Variants in AOPEP observed in about 807,000 individuals in gnomAD.
AOPEP encodes the protein aminopeptidase O (putative).
A neutral mutation model predicts 98.1 loss-of-function variants in AOPEP; 77 were observed. The ratio of observed to expected loss-of-function variants is 0.78; its 90% CI spans 0.65 to 0.95. The LOEUF (loss-of-function observed/expected upper bound fraction) is 0.95, where lower values mean the gene tolerates loss of function less well. AOPEP is among the 40% of genes least tolerant of loss of function. The probability of loss-of-function intolerance (pLI) is 0.00; values close to 1 mark genes in which losing one functional copy is unlikely to be tolerated. For synonymous variants in AOPEP, 346 were observed against 365.3 expected (o/e 0.95, Z 0.60); for missense variants, 1,024 against 1,024.7 (o/e 1.00, Z 0.01).
chr9:95,062,486 G>A (rs2133943660), intron 14 of AOPEP, among the ~76,000 whole-genome samples: 1 of 152,342 alleles, frequency 6.6e-6, no homozygotes, highest in South Asian at 2.1e-4. Flanking sequence ...TGTTCGGGAT[G>A]TAGCGGCTGC....
chr9:94,742,515 A>G (rs922719981), intron 1 of AOPEP, among the ~76,000 whole-genome samples: 1 of 151,874 alleles, frequency 6.6e-6, no homozygotes, highest in Non-Finnish European at 1.5e-5. Flanking sequence ...GCTCACTGCA[A>G]CCTCTACCTC....
Position 94,928,443 on chromosome 9 carries a change from C to T in AOPEP, c.1573C>T (p.Arg525Trp), listed in dbSNP as rs923686212. 1.0e-5 allele frequency: 16 copies of T among 1,548,746 alleles called. No individual in the cohort carries two copies. The highest frequency in any genetic ancestry group is 1.7e-4 in the Middle Eastern group (1 of 6,012). Residue 525 changes from arginine to tryptophan, a missense_variant, in exon 7 of 17, where the codon CGG (arginine) becomes TGG (tryptophan). Arg to Trp is a moderately radical substitution (Grantham distance 101). Transcript: ENST00000375315. ...TAQQLAPYEA[R>W]EQQELRACLR... ...TGAGCAGCTGGCCCCCTATGAGGCC[C>T]GGGAGCAGCAGGAGCTGAGGGCTTG...
chr9:95,139,899 A>G, the AOPEP span, among the ~76,000 whole-genome samples: 1 of 148,484 alleles, frequency 6.7e-6, no homozygotes, highest in Non-Finnish European at 1.5e-5. Context: ...GGGACAATAA[A>G]GTAAAAAAGA....
chr9:94,890,272 G>A (rs146143356), intron 5 of AOPEP, among the ~76,000 whole-genome samples: 5 of 151,592 alleles, frequency 3.3e-5, no homozygotes, highest in Non-Finnish European at 7.4e-5. Context: ...GCATGATCTC[G>A]GCTAACTGCA....
At chr9:94,978,199 C>A (rs993711949) in intron 10 of AOPEP, among the ~76,000 whole-genome samples, 2 of 152,056 alleles carry the variant, frequency 1.3e-5, no homozygotes, top group African/African-American at 4.8e-5. Flanking sequence ...TTCATAACTT[C>A]TAGAATTCCA....
At chr9:94,961,383 G>T (rs2058831454) in intron 9 of AOPEP, among the ~76,000 whole-genome samples, 1 of 151,742 alleles carries the variant, frequency 6.6e-6, no homozygotes, top group Non-Finnish European at 1.5e-5. Context: ...TTTTGAATTC[G>T]TTTTTCCCCC....
At chr9:95,013,385 C>T (rs1002229529) in intron 13 of AOPEP, among the ~76,000 whole-genome samples, 1 of 146,882 alleles carries the variant, frequency 6.8e-6, no homozygotes, top group African/African-American at 2.5e-5. Flanking sequence ...TATTTTCCAT[C>T]ATATAACTTG....
At chr9:95,076,581 A>C (rs2069096909) in intron 14 of AOPEP, among the ~76,000 whole-genome samples, 1 of 152,234 alleles carries the variant, frequency 6.6e-6, no homozygotes, top group Non-Finnish European at 1.5e-5. Flanking sequence ...TAATCAATGT[A>C]ATTATATAAA....
intron 4 of AOPEP, among the ~76,000 whole-genome samples, chr9:94,796,751 T>A (rs73534113): frequency 0.011 from 1,707 of 152,330 alleles, 29 homozygotes; most frequent in African/African-American, 0.038. Flanking sequence ...CCACTCTGGG[T>A]GAGCATTTTA....
intron 1 of AOPEP, among the ~76,000 whole-genome samples, chr9:94,730,917 C>A (rs1830370702): frequency 6.6e-6 from 1 of 152,026 alleles, no homozygotes; most frequent in East Asian, 1.9e-4. Flanking sequence ...TAAAGCATGT[C>A]TTGTAATGTT....
intron 5 of AOPEP, among the ~76,000 whole-genome samples, chr9:94,844,249 T>G (rs2134934102): frequency 6.6e-6 from 1 of 152,184 alleles, no homozygotes; most frequent in South Asian, 2.1e-4. Context: ...AAAGATGGGG[T>G]TTCACCATGT....
intron 5 of AOPEP, among the ~76,000 whole-genome samples, chr9:94,878,217 T>A (rs1588670085): frequency 6.7e-6 from 1 of 149,946 alleles, no homozygotes; most frequent in Non-Finnish European, 1.5e-5. Flanking sequence ...GGCAGAAAAG[T>A]CTTGATCTGT....
At chr9:94,836,901 A>AT (rs57197506) in intron 5 of AOPEP, among the ~76,000 whole-genome samples, 9,964 of 151,756 alleles carry the variant, frequency 0.066, 1,082 homozygotes, top group African/African-American at 0.23. Flanking sequence ...TTCAAGGTTC[A>AT]TTTTTTTTGC....
the AOPEP span, among the ~76,000 whole-genome samples, chr9:95,110,036 T>C: frequency 1.3e-5 from 2 of 152,186 alleles, no homozygotes; most frequent in East Asian, 1.9e-4. Context: ...GCCAGGCAGA[T>C]GGGCACCTGT....
At position 94,759,878 on chromosome 9, in the gene AOPEP, T is replaced by C; in HGVS notation, c.95T>C (p.Val32Ala). ...AAGCACTATGTACTGGATTTGGATGTGGATTTTGAAAGTCAAGTCATTGAG... is the reference window on the plus strand; with the variant it reads ...AAGCACTATGTACTGGATTTGGATGCGGATTTTGAAAGTCAAGTCATTGAG... The part of the protein sequence containing the change: ...LVKHYVLDLD[V>A]DFESQVIEGT... Residue 32 changes from valine to alanine, a missense_variant, in exon 2 of 17, where the codon GTG (valine) becomes GCG (alanine). By Grantham distance (64) the Val-to-Ala change is moderately conservative. Coordinates refer to ENST00000375315, the MANE Select transcript of AOPEP (RefSeq NM_001193329.3). 6.2e-7 allele frequency: 1 copy of C among 1,614,194 alleles called. No homozygotes were observed. The highest frequency in any genetic ancestry group is 2.2e-5 in the East Asian group (1 of 44,876).
intron 14 of AOPEP, among the ~76,000 whole-genome samples, chr9:95,077,811 C>T (rs7033294): frequency 0.012 from 1,783 of 152,228 alleles, 37 homozygotes; most frequent in African/African-American, 0.041. Context: ...CCTGTGGTGA[C>T]GAATGGCATG....
intron 2 of AOPEP, among the ~76,000 whole-genome samples, chr9:94,767,487 G>A (rs1052423792): frequency 1.3e-5 from 2 of 152,214 alleles, no homozygotes; most frequent in African/African-American, 2.4e-5. Flanking sequence ...GAACCTGGAT[G>A]GTGGAAGCCA....
intron 11 of AOPEP, among the ~76,000 whole-genome samples, chr9:94,986,527 C>T (rs1490609499): frequency 6.6e-6 from 1 of 152,118 alleles, no homozygotes; most frequent in Non-Finnish European, 1.5e-5. Flanking sequence ...ATTTTATTCC[C>T]CTATGGATGA....
downstream of AOPEP, among the ~76,000 whole-genome samples, chr9:95,091,222 G>C (rs572163149): frequency 3.3e-5 from 5 of 152,310 alleles, no homozygotes; most frequent in East Asian, 7.7e-4. Context: ...GACTTGTGTG[G>C]GTCATGGGTG....
Sources: allele counts gnomAD v4.1 joint callset (sites outside exome capture counted in the v4.1 genomes callset), GRCh38; gene constraint gnomAD v4.1.1; transcripts MANE v1.5; gene names NCBI Gene and HGNC (gene_info 2026-07-23, HGNC 2026-07-21).